The following HUNK variants were observed in gnomAD, a reference collection of about 807,000 sequenced individuals.
HUNK encodes hormonally up-regulated Neu-associated kinase, also known as hormonally up-regulated neu tumor-associated kinase.
HUNK carries 21 observed loss-of-function variants against 61.0 expected under a neutral mutation model. That is an observed-to-expected ratio of 0.34 (90% CI 0.24 to 0.50). HUNK has a LOEUF of 0.50. Ranked by LOEUF, HUNK falls within the 20% of genes least tolerant of loss-of-function variation. HUNK has a pLI of 0.98. For missense variants in HUNK, 772 were observed against 945.7 expected, an observed-to-expected ratio of 0.82 and a Z score of 2.41; for synonymous variants, 371 against 386.1, an observed-to-expected ratio of 0.96 and a Z score of 0.46.
chr21:31,875,000 C>A (rs1042085713), intron 1 of HUNK, among the ~76,000 whole-genome samples: 2 of 152,200 alleles, frequency 1.3e-5, no homozygotes, highest in African/African-American at 4.8e-5. Flanking sequence ...CTGTCCCAAG[C>A]TCCTGTCATC....
At chr21:31,880,252 C>T (rs1250043530) in intron 1 of HUNK, among the ~76,000 whole-genome samples, 1 of 152,184 alleles carries the variant, frequency 6.6e-6, no homozygotes, top group Non-Finnish European at 1.5e-5. Flanking sequence ...GCCTTGATTA[C>T]GTAGAAGGGT....
intron 1 of HUNK, among the ~76,000 whole-genome samples, chr21:31,908,658 G>A (rs1464260846): frequency 6.6e-6 from 1 of 152,180 alleles, no homozygotes; most frequent in African/African-American, 2.4e-5. Flanking sequence ...TCCCCGTCAT[G>A]GCTGGCGAGG....
At chr21:31,979,757 T>C (rs543180495) in intron 7 of HUNK, among the ~76,000 whole-genome samples, 66 of 152,062 alleles carry the variant, frequency 4.3e-4, no homozygotes, top group Admixed American at 1.4e-3. Context: ...CCTCGTGATC[T>C]GCCCACCTTG....
At chr21:31,960,774 G>C (rs2052922593) in intron 5 of HUNK, among the ~76,000 whole-genome samples, 1 of 152,124 alleles carries the variant, frequency 6.6e-6, no homozygotes. Flanking sequence ...TCTCCACCTG[G>C]CCCCGCCCTT....
At chr21:31,906,903 G>A (rs1485369626) in intron 1 of HUNK, among the ~76,000 whole-genome samples, 1 of 152,084 alleles carries the variant, frequency 6.6e-6, no homozygotes, top group Non-Finnish European at 1.5e-5. Flanking sequence ...GGCCCGGTGT[G>A]GTGGCTCACA....
chr21:31,999,506 C>T lies in HUNK; in HGVS notation c.*322C>T. On this transcript the variant is annotated 3_prime_UTR_variant, in exon 11 of 11. Transcript: ENST00000270112. ...AACAGGGCATGAGCCTTCTGGGGCA[C>T]TCAGATTATGGACTGTTACCAGATC... 1 of 327,984 alleles carries T rather than the reference C, an allele frequency of 3.0e-6. No homozygotes were observed. The highest frequency in any genetic ancestry group is 5.6e-5 in the East Asian group (1 of 17,964). 20.3% of individuals were successfully genotyped at this position (327,984 alleles called of 1,614,324 possible). A position where few individuals can be genotyped will look rare whatever the true frequency, so the allele number is the denominator to read the frequency against.
rs1223378864 is a variant in HUNK, at chr21:31,917,125, C to G, written c.262-7343C>G. On this transcript the variant is annotated intron_variant, in intron 1 of 10. Coordinates refer to ENST00000270112, the MANE Select transcript of HUNK (RefSeq NM_014586.2). ...GTGGTTTGCTGATTTTATCCATCAT[C>G]ATTGATTGGTGGTGTTTGTTTGGCA... Among the ~76,000 whole-genome samples the G allele has an allele frequency of 2.6e-5, 4 of 152,164 alleles. No individual in the cohort carries two copies. The South Asian group carries it at 8.3e-4, about 32-fold the overall frequency.
chr21:31,908,544 G>A (rs1018374620), intron 1 of HUNK, among the ~76,000 whole-genome samples: 1 of 152,138 alleles, frequency 6.6e-6, no homozygotes, highest in Non-Finnish European at 1.5e-5. Context: ...AGGCCTCAGC[G>A]AGGAGGAACG....
chr21:31,985,872 T>A (rs1224575837), intron 8 of HUNK, among the ~76,000 whole-genome samples: 1 of 152,114 alleles, frequency 6.6e-6, no homozygotes, highest in African/African-American at 2.4e-5. Flanking sequence ...GGAGAGAACA[T>A]GACCTCGATA....
At chr21:31,974,500 T>TG in intron 6 of HUNK, 55 bp from the exon 7 acceptor site, 1 of 1,539,676 alleles carries the variant, frequency 6.5e-7, no homozygotes. Flanking sequence ...GGGGTCTGTG[T>TG]GGGGCTCTCC....
chr21:31,956,562 G>A (rs1468100617), intron 4 of HUNK, among the ~76,000 whole-genome samples: 2 of 152,098 alleles, frequency 1.3e-5, no homozygotes, highest in Non-Finnish European at 2.9e-5. Flanking sequence ...CACTAGCCCT[G>A]ATACTCCTTC....
At chr21:31,920,752 G>C (rs1440571111) in intron 1 of HUNK, among the ~76,000 whole-genome samples, 1 of 152,186 alleles carries the variant, frequency 6.6e-6, no homozygotes, top group Non-Finnish European at 1.5e-5. Context: ...CCCATGCTGT[G>C]AGGTGTGGAT....
intron 9 of HUNK, among the ~76,000 whole-genome samples, chr21:31,990,749 T>C (rs778105978): frequency 6.6e-6 from 1 of 152,104 alleles, no homozygotes; most frequent in Non-Finnish European, 1.5e-5. Context: ...TTGACCAGGC[T>C]GATCTTGAAC....
At chr21:31,892,569 G>GA (rs10562491) in intron 1 of HUNK, among the ~76,000 whole-genome samples, 71 of 102,958 alleles carry the variant, frequency 6.9e-4, no homozygotes, top group African/African-American at 1.0e-3. Context: ...GACTCTCTCT[G>GA]AAAAAAAAAA....
At chr21:31,991,429 G>T (rs979003498) in intron 9 of HUNK, among the ~76,000 whole-genome samples, 6 of 152,150 alleles carry the variant, frequency 3.9e-5, no homozygotes, top group African/African-American at 1.4e-4. Flanking sequence ...ATCTTGGCCA[G>T]GCTGGTCTCA....
At chr21:31,992,887 G>C (rs553081496) in intron 9 of HUNK, among the ~76,000 whole-genome samples, 1 of 152,206 alleles carries the variant, frequency 6.6e-6, no homozygotes, top group Admixed American at 6.5e-5. Flanking sequence ...ACCCTTCTGC[G>C]TGGACTGACT....
intron 4 of HUNK, among the ~76,000 whole-genome samples, chr21:31,958,106 T>A (rs2123840320): frequency 6.6e-6 from 1 of 152,170 alleles, no homozygotes; most frequent in South Asian, 2.1e-4. Flanking sequence ...GTCTCCCAGG[T>A]GTTTCTTACA....
In HUNK at chr21:31,873,927, G is replaced by C. The variant is rs753282638; in HGVS notation, c.253G>C (p.Gly85Arg). ...KVREGLHVLT[G>R]EKVAIKVIDK... is the part of the protein sequence containing the mutation. ...GCGCGAGGGGCTGCACGTGCTGACC[G>C]GGGAGAAGGTGAGTCTCCCGGGCGC... Residue 85 changes from glycine to arginine, a missense_variant, in exon 1 of 11, where the codon GGG (glycine) becomes CGG (arginine). Transcript: ENST00000270112. The surrounding 1 kb of genome is among the most constrained non-coding windows in gnomAD (Gnocchi z 6.1). 1.3e-6 allele frequency: 2 copies of C among 1,546,076 alleles called. No individual in the cohort carries two copies.
At chr21:31,931,264 T>C (rs1173094995) in intron 2 of HUNK, among the ~76,000 whole-genome samples, 2 of 151,950 alleles carry the variant, frequency 1.3e-5, no homozygotes, top group Non-Finnish European at 2.9e-5. Flanking sequence ...CTGGGCCCCT[T>C]CTCTCTTACC....
Sources: gnomAD v4.1 joint callset for allele counts (sites outside exome capture counted in the v4.1 genomes callset) on GRCh38, gnomAD v4.1.1 for gene constraint, Gnocchi (gnomAD v3.1) non-coding constraint, MANE v1.5 for transcripts, NCBI Gene and HGNC (gene_info 2026-07-23, HGNC 2026-07-21) for gene names.